MAML3: variants seen among roughly 807,000 people sequenced by gnomAD.
MAML3 encodes mastermind like transcriptional coactivator 3.
A neutral mutation model predicts 101.9 loss-of-function variants in MAML3; 27 were observed. The ratio of observed to expected loss-of-function variants is 0.27; its 90% CI spans 0.20 to 0.37. The LOEUF is 0.37. Among genes scored for constraint, MAML3 ranks in the 10% least tolerant of loss-of-function variants. MAML3 has a pLI of 1.00. For missense variants in MAML3, 1,316 were observed against 1,444.9 expected, an observed-to-expected ratio of 0.91 and a Z score of 1.45; for synonymous variants, 501 against 555.9, an observed-to-expected ratio of 0.90 and a Z score of 1.39.
At chr4:139,837,706 G>T (rs2111141233) in intron 2 of MAML3, among the ~76,000 whole-genome samples, 1 of 152,208 alleles carries the variant, frequency 6.6e-6, no homozygotes, top group East Asian at 1.9e-4. Context: ...GATCACCTGA[G>T]GTCAGGAGTT....
intron 2 of MAML3, 131 bp downstream of exon 2, chr4:139,889,226 T>A: frequency 6.5e-7 from 1 of 1,550,326 alleles, no homozygotes. Flanking sequence ...GGCCACTACC[T>A]GAGGATGTGT....
In MAML3 at chr4:140,029,718, C is replaced by T. The variant is rs988514839; in HGVS notation, c.468+123142G>A. Among the ~76,000 whole-genome samples the T allele has an allele frequency of 4.6e-5, 7 of 152,202 alleles. No homozygotes were observed. The South Asian group carries it at 1.0e-3, about 23-fold the overall frequency. Reference sequence around the variant, plus strand: ...TGAAACAAGTCACCCATAATTATTACATAAATGCCACTTTTAATATCAGCT... The same window carrying T: ...TGAAACAAGTCACCCATAATTATTATATAAATGCCACTTTTAATATCAGCT... On this transcript the variant is annotated intron_variant, in intron 1 of 4. Coordinates refer to ENST00000509479, the MANE Select transcript of MAML3 (RefSeq NM_018717.5).
intron 1 of MAML3, chr4:140,133,071 T>C (rs956675093): frequency 2.3e-6 from 1 of 443,292 alleles, no homozygotes; most frequent in Non-Finnish European, 4.5e-6. Flanking sequence ...CAGAGATGGA[T>C]TTCTATCAAA....
At chr4:139,959,256 C>G (rs555699977) in intron 1 of MAML3, among the ~76,000 whole-genome samples, 1 of 152,258 alleles carries the variant, frequency 6.6e-6, no homozygotes, top group African/African-American at 2.4e-5. Flanking sequence ...TTGACATCTA[C>G]CTGTAAAAAC....
chr4:140,076,167 C>G (rs1727762034), intron 1 of MAML3, among the ~76,000 whole-genome samples: 1 of 151,582 alleles, frequency 6.6e-6, no homozygotes, highest in Non-Finnish European at 1.5e-5. Flanking sequence ...ACACCTGGCC[C>G]ATTTATATAT....
At chr4:139,860,449 G>A (rs566262733) in intron 2 of MAML3, among the ~76,000 whole-genome samples, 2 of 152,382 alleles carry the variant, frequency 1.3e-5, no homozygotes. Flanking sequence ...TGGGACACCA[G>A]TGGCTCTTCA....
intron 1 of MAML3, among the ~76,000 whole-genome samples, chr4:140,035,413 A>G (rs1726969333): frequency 1.3e-5 from 2 of 152,200 alleles, no homozygotes; most frequent in South Asian, 4.1e-4. Flanking sequence ...CAATAGTATA[A>G]TTACTGCAAT....
At chr4:139,893,888 A>G (rs1484789122) in intron 1 of MAML3, among the ~76,000 whole-genome samples, 1 of 152,110 alleles carries the variant, frequency 6.6e-6, no homozygotes, top group Non-Finnish European at 1.5e-5. Context: ...ATGCTTGCTG[A>G]GTGACAGAGG....
At chr4:140,010,967 G>A (rs1024955358) in intron 1 of MAML3, among the ~76,000 whole-genome samples, 15 of 151,552 alleles carry the variant, frequency 9.9e-5, no homozygotes, top group African/African-American at 3.1e-4. Flanking sequence ...ATGGTGGCAA[G>A]TGCCTGTAAT....
At chr4:139,888,530 G>A (rs1732385324) in intron 2 of MAML3, 1 of 518,950 alleles carries the variant, frequency 1.9e-6, no homozygotes, top group Admixed American at 1.9e-5. Flanking sequence ...AGCTTTGGCT[G>A]TTTGCCACTG....
chr4:140,017,882 T>TA (rs1469710391), intron 1 of MAML3, among the ~76,000 whole-genome samples: 1 of 151,980 alleles, frequency 6.6e-6, no homozygotes, highest in African/African-American at 2.4e-5. Flanking sequence ...CCCTGGTTGA[T>TA]AGACTGTATT....
At chr4:139,794,101 G>A (rs1180155779) in intron 2 of MAML3, 1 of 152,194 alleles carries the variant, frequency 6.6e-6, no homozygotes, top group Non-Finnish European at 1.5e-5. Flanking sequence ...ATTATCAAAA[G>A]AAGATTACAC....
intron 2 of MAML3, among the ~76,000 whole-genome samples, chr4:139,753,951 T>A (rs1006463978): frequency 6.6e-6 from 1 of 151,938 alleles, no homozygotes; most frequent in Non-Finnish European, 1.5e-5. Flanking sequence ...GAGACTGGGG[T>A]GGAGGGAGGG....
In MAML3 at chr4:139,782,925, T is replaced by C. The variant is rs932320638; in HGVS notation, c.2080-52258A>G. On this transcript the variant is annotated intron_variant, in intron 2 of 4. Transcript: ENST00000509479. ...CAACATTCAAAGTAGAGCCTTACAA[T>C]TGTATTTGCTGCCCTTTCCTATGCT... Among the ~76,000 whole-genome samples, 4 of 152,270 alleles carry C rather than the reference T, an allele frequency of 2.6e-5. No homozygotes were observed. The South Asian group carries it at 8.3e-4, about 32-fold the overall frequency.
At chr4:139,899,650 G>C (rs951321795) in intron 1 of MAML3, among the ~76,000 whole-genome samples, 1 of 152,144 alleles carries the variant, frequency 6.6e-6, no homozygotes, top group Non-Finnish European at 1.5e-5. Flanking sequence ...GTGCAGGGCA[G>C]ACTAACAGGA....
intron 2 of MAML3, among the ~76,000 whole-genome samples, chr4:139,827,302 GTA>G (rs1485414702): frequency 1.3e-5 from 2 of 152,230 alleles, no homozygotes; most frequent in Admixed American, 6.5e-5. Flanking sequence ...TCTATGATGT[GTA>G]ATAGGAACAG....
intron 1 of MAML3, among the ~76,000 whole-genome samples, chr4:139,959,241 A>G (rs2110771516): frequency 6.6e-6 from 1 of 152,328 alleles, no homozygotes; most frequent in Non-Finnish European, 1.5e-5. Context: ...GAGCTCTCAC[A>G]GTTCTTGACA....
chr4:139,925,614 G>A (rs111540811), intron 1 of MAML3, among the ~76,000 whole-genome samples: 1,738 of 152,228 alleles, frequency 0.011, 34 homozygotes, highest in African/African-American at 0.039. Context: ...ATAAGGATGA[G>A]AGAATGATAG....
intron 1 of MAML3, among the ~76,000 whole-genome samples, chr4:139,915,873 AC>A (rs1363911031): frequency 2.0e-5 from 3 of 152,070 alleles, no homozygotes; most frequent in African/African-American, 7.2e-5. Flanking sequence ...AGCCAGAGTA[AC>A]CCTGCTAACA....
Sources: allele counts gnomAD v4.1 joint callset (sites outside exome capture counted in the v4.1 genomes callset), GRCh38; gene constraint gnomAD v4.1.1; transcripts MANE v1.5; gene names NCBI Gene and HGNC (gene_info 2026-07-23, HGNC 2026-07-21).